Variants in CACNA1C observed in about 807,000 individuals in gnomAD.
CACNA1C encodes calcium voltage-gated channel subunit alpha1 C, also known as voltage-dependent L-type calcium channel subunit alpha-1C.
CACNA1C carries 30 observed loss-of-function variants against 229.0 expected under a neutral mutation model. The ratio of observed to expected loss-of-function variants is 0.13; its 90% CI spans 0.10 to 0.18. The LOEUF is 0.18. Among genes scored for constraint, CACNA1C ranks in the 10% least tolerant of loss-of-function variants. The pLI is 1.00. For synonymous variants in CACNA1C, 1,114 were observed against 1,132.5 expected (o/e 0.98, Z 0.33); for missense variants, 1,658 against 2,845.0 (o/e 0.58, Z 9.49).
At chr12:2,089,469 A>G (rs868697791) in intron 1 of CACNA1C, among the ~76,000 whole-genome samples, 3 of 152,236 alleles carry the variant, frequency 2.0e-5, no homozygotes, top group Admixed American at 1.3e-4. Flanking sequence ...AACGAGCTCA[A>G]GATCTCTTGG....
At chr12:2,500,619 G>A (rs367573395) in intron 7 of CACNA1C, among the ~76,000 whole-genome samples, 30 of 152,288 alleles carry the variant, frequency 2.0e-4, no homozygotes, top group Middle Eastern at 3.4e-3. Context: ...CTGCTCCCAC[G>A]TGTCCTGAAG....
At chr12:2,409,669 G>C (rs1469555376) in intron 3 of CACNA1C, among the ~76,000 whole-genome samples, 1 of 152,196 alleles carries the variant, frequency 6.6e-6, no homozygotes, top group African/African-American at 2.4e-5. Flanking sequence ...CTTGATTGCG[G>C]GTCCTCTTTC....
chr12:2,200,119 T>A (rs2097540645), intron 3 of CACNA1C, among the ~76,000 whole-genome samples: 1 of 152,218 alleles, frequency 6.6e-6, no homozygotes, highest in Admixed American at 6.5e-5. Context: ...AAATTTATTA[T>A]AAGGATGAAT....
chr12:2,655,892 C>T (rs1053688437), intron 34 of CACNA1C, among the ~76,000 whole-genome samples: 1 of 152,196 alleles, frequency 6.6e-6, no homozygotes, highest in African/African-American at 2.4e-5. Context: ...CAAAATTCAA[C>T]ATCCTTTCAT....
intron 3 of CACNA1C, among the ~76,000 whole-genome samples, chr12:2,268,849 G>A (rs2154415111): frequency 6.6e-6 from 1 of 152,312 alleles, no homozygotes; most frequent in South Asian, 2.1e-4. Context: ...AGTTAATCTT[G>A]GTGCTGTTCA....
At position 2,688,746 on chromosome 12, in the gene CACNA1C, G is replaced by C. The variant is rs767141738; in HGVS notation, c.6084G>C (p.Gln2028His). The C allele has an allele frequency of 2.5e-6, 4 of 1,581,382 alleles. No individual in the cohort carries two copies. The highest frequency in any genetic ancestry group is 1.7e-4 in the Middle Eastern group (1 of 5,940). The stretch of plus-strand genomic sequence containing the variant: ...GCCAGGCTGGGGCCCCAGGGAGGCA[G>C]TTCCACGGCAGTGCCAGCAGCCTGG... The part of the protein sequence containing the change: ...VPSQAGAPGR[Q>H]FHGSASSLVE... The change falls in exon 46 of 47, where the codon CAG becomes CAC. Residue 2028 changes from glutamine to histidine, a missense_variant. Physicochemically the swap from Gln to His is conservative, Grantham distance 24. This residue lies in a region of CACNA1C where 590 missense variants were observed against 700.8 expected (regional missense o/e 0.84). Coordinates refer to ENST00000399655, the MANE Select transcript of CACNA1C (RefSeq NM_000719.7).
At chr12:2,199,056 G>A (rs552447452) in intron 3 of CACNA1C, among the ~76,000 whole-genome samples, 4 of 152,216 alleles carry the variant, frequency 2.6e-5, no homozygotes, top group Non-Finnish European at 4.4e-5. Context: ...GATCATGATC[G>A]TGTCCATGAT....
Position 2,608,701 on chromosome 12 carries a change from G to A in CACNA1C, c.3547G>A (p.Asp1183Asn). The A allele has an allele frequency of 6.2e-7, 1 of 1,614,098 alleles. No homozygotes were observed. Among genetic ancestry groups the A allele is most frequent in the Non-Finnish European group, 8.5e-7 (1 of 1,179,972 alleles). Residue 1183 changes from aspartate to asparagine, a missense_variant, in exon 27 of 47, where the codon GAC (aspartate) becomes AAC (asparagine). By Grantham distance (23) the Asp-to-Asn change is conservative. This residue lies in a region of CACNA1C where 67 missense variants were observed against 106.4 expected (regional missense o/e 0.63). Transcript: ENST00000399655. This position sits in a 1 kb window ranked among gnomAD's most constrained non-coding sequence, Gnocchi z 4.2. ...GEQEYKNCEL[D>N]KNQRQCVEYA... ...GCAGGAGTACAAGAACTGTGAGCTGGACAAGAACCAGGTAGCTTCCTAGGA... is the reference window on the plus strand; with the variant it reads ...GCAGGAGTACAAGAACTGTGAGCTGAACAAGAACCAGGTAGCTTCCTAGGA...
intron 1 of CACNA1C, among the ~76,000 whole-genome samples, chr12:2,095,906 G>T (rs1442973000): frequency 6.6e-6 from 1 of 152,180 alleles, no homozygotes; most frequent in Non-Finnish European, 1.5e-5. Flanking sequence ...CCATCATTGG[G>T]AATAATGTCT....
intron 22 of CACNA1C, among the ~76,000 whole-genome samples, chr12:2,604,141 T>A (rs888208899): frequency 1.3e-5 from 2 of 152,102 alleles, no homozygotes; most frequent in Admixed American, 1.3e-4. Context: ...GAGAGGGAAA[T>A]TTTGAATAAT....
chr12:2,232,365 T>G (rs2065677765), intron 3 of CACNA1C, among the ~76,000 whole-genome samples: 1 of 151,786 alleles, frequency 6.6e-6, no homozygotes, highest in South Asian at 2.1e-4. Context: ...CATGATTAGA[T>G]GGAGGGTATG....
chr12:2,463,247 A>G (rs1452436836), intron 5 of CACNA1C, among the ~76,000 whole-genome samples: 3 of 152,328 alleles, frequency 2.0e-5, no homozygotes, highest in Non-Finnish European at 4.4e-5. Flanking sequence ...TATGTACTAA[A>G]TGTCATTGAA....
intron 37 of CACNA1C, among the ~76,000 whole-genome samples, chr12:2,667,320 C>CCA (rs60406402): frequency 0.06 from 9,124 of 151,970 alleles, 413 homozygotes; most frequent in Admixed American, 0.13. Context: ...CGTGGCCATT[C>CCA]CGTGCTCCTT....
At chr12:2,043,901 C>T (rs56101318) in intron 1 of CACNA1C, among the ~76,000 whole-genome samples, 7,486 of 151,108 alleles carry the variant, frequency 0.05, 254 homozygotes, top group Middle Eastern at 0.079. Context: ...ATGATCCACC[C>T]GCCTCGGCCT....
chr12:2,252,234 G>A (rs897120240), intron 3 of CACNA1C, among the ~76,000 whole-genome samples: 7 of 152,178 alleles, frequency 4.6e-5, no homozygotes, highest in Non-Finnish European at 7.4e-5. Flanking sequence ...ATGGCTGCTT[G>A]GATGAATGTA....
intron 3 of CACNA1C, among the ~76,000 whole-genome samples, chr12:2,303,487 C>T (rs980171190): frequency 3.9e-5 from 6 of 152,104 alleles, no homozygotes. Flanking sequence ...ACCCCTAGGC[C>T]AGTGCAGTGG....
At chr12:2,261,508 A>T (rs1221909839) in intron 3 of CACNA1C, among the ~76,000 whole-genome samples, 1 of 152,208 alleles carries the variant, frequency 6.6e-6, no homozygotes, top group Non-Finnish European at 1.5e-5. Flanking sequence ...TGTTATAAAA[A>T]TAGTTCTCTC....
intron 3 of CACNA1C, among the ~76,000 whole-genome samples, chr12:2,349,507 G>A (rs1231767866): frequency 6.6e-6 from 1 of 152,174 alleles, no homozygotes; most frequent in Non-Finnish European, 1.5e-5. Flanking sequence ...GGCATTTTGA[G>A]TAGGGGCGCA....
At chr12:2,612,149 G>A (rs537243538) in intron 29 of CACNA1C, 136 bp downstream of exon 29, 180 of 635,884 alleles carry the variant, frequency 2.8e-4, no homozygotes, top group Non-Finnish European at 4.8e-4. Flanking sequence ...TGCTCCGATG[G>A]TCAGTGCCCC....
Sources: allele counts gnomAD v4.1 joint callset (sites outside exome capture counted in the v4.1 genomes callset), GRCh38; gene constraint gnomAD v4.1.1; regional missense constraint gnomAD v4.1.1; non-coding constraint Gnocchi (gnomAD v3.1); transcripts MANE v1.5; gene names NCBI Gene and HGNC (gene_info 2026-07-23, HGNC 2026-07-21).